Variants in DIXDC1 observed in about 807,000 individuals in gnomAD.
DIXDC1 encodes dixin.
In DIXDC1, 64 loss-of-function variants were observed where a neutral mutation model predicts 103.1. That is an observed-to-expected ratio of 0.62 (90% CI 0.51 to 0.76). The LOEUF is 0.76. DIXDC1 is among the 30% of genes least tolerant of loss of function. DIXDC1 has a pLI of 0.00. For synonymous variants in DIXDC1, 266 were observed against 298.5 expected (o/e 0.89, Z 1.12); for missense variants, 759 against 834.2 (o/e 0.91, Z 1.11).
At position 111,995,666 on chromosome 11, in the gene DIXDC1, C is replaced by T. The variant is rs958923670; in HGVS notation, c.1689+102C>T. On this transcript the variant is annotated intron_variant, in intron 16 of 19. Coordinates refer to ENST00000440460, the MANE Select transcript of DIXDC1 (RefSeq NM_001037954.4). The stretch of plus-strand genomic sequence containing the variant: ...AGGCAGTGTGAAGAGATACAAGACC[C>T]TGTTAAAGGTTAGAGTTGTTTTTCT... 3.9e-5 allele frequency: 56 copies of T among 1,438,302 alleles called. No individual in the cohort carries two copies. In the East Asian group the frequency reaches 1.3e-3, roughly 33 times the overall value. 89.1% of individuals were successfully genotyped at this position (1,438,302 alleles called of 1,614,324 possible).
At chr11:112,007,473 C>T (rs111956246) in intron 17 of DIXDC1, among the ~76,000 whole-genome samples, 2,146 of 144,890 alleles carry the variant, frequency 0.015, 54 homozygotes, top group African/African-American at 0.049. Flanking sequence ...AAAGATACTC[C>T]TCAAGAAGAG....
rs1267617102 is a variant in DIXDC1, at chr11:111,958,248, T to C, written c.61-6301T>C. ...CATGGCTGTGGACCAGGCATCCCTGTGCTCTTGGGGGCCAGGAGCAGGCAG... is the reference window on the plus strand; with the variant it reads ...CATGGCTGTGGACCAGGCATCCCTGCGCTCTTGGGGGCCAGGAGCAGGCAG... On this transcript the variant is annotated intron_variant, in intron 1 of 19. Coordinates refer to ENST00000440460, the MANE Select transcript of DIXDC1 (RefSeq NM_001037954.4). The surrounding 1 kb of genome is among the most constrained non-coding windows in gnomAD (Gnocchi z 4.2). Among the ~76,000 whole-genome samples, 1 of 152,022 alleles carries C rather than the reference T, an allele frequency of 6.6e-6. No homozygotes were observed. The highest frequency in any genetic ancestry group is 1.5e-5 in the Non-Finnish European group (1 of 67,958).
At chr11:111,929,882 A>G (rs1555167486) in exon 2 of DIXDC1, 12 of 1,535,946 alleles carry the variant, frequency 7.8e-6, no homozygotes, top group Non-Finnish European at 9.6e-6. Flanking sequence ...ATGAGATTCA[A>G]TAACTCCTTG....
intron 1 of DIXDC1, among the ~76,000 whole-genome samples, chr11:111,954,952 A>G (rs1446590681): frequency 1.3e-5 from 2 of 152,112 alleles, no homozygotes; most frequent in African/African-American, 4.8e-5. Flanking sequence ...TACATTCCAT[A>G]CATTCATATA....
At chr11:112,009,760 C>G (rs2137627957) in intron 17 of DIXDC1, among the ~76,000 whole-genome samples, 1 of 152,260 alleles carries the variant, frequency 6.6e-6, no homozygotes, top group Middle Eastern at 3.4e-3. Flanking sequence ...AATTCAACAG[C>G]CCTTCATGCT....
At chr11:111,955,265 G>C (rs587697107) in intron 1 of DIXDC1, among the ~76,000 whole-genome samples, 8 of 151,132 alleles carry the variant, frequency 5.3e-5, no homozygotes, top group Non-Finnish European at 7.4e-5. Context: ...GAGCCCAGGA[G>C]GTTGAGGCTG....
chr11:112,005,034 C>A (rs1861192046), intron 17 of DIXDC1, among the ~76,000 whole-genome samples: 1 of 152,140 alleles, frequency 6.6e-6, no homozygotes, highest in South Asian at 2.1e-4. Context: ...TCAACAGAAT[C>A]AAACTCATAT....
At chr11:111,997,855 G>A (rs1414103464) in intron 17 of DIXDC1, among the ~76,000 whole-genome samples, 2 of 152,134 alleles carry the variant, frequency 1.3e-5, no homozygotes, top group African/African-American at 4.8e-5. Context: ...TCACAAATAA[G>A]CTGAAATATC....
Position 111,964,669 on chromosome 11 carries a change from G to C in DIXDC1, c.181G>C (p.Glu61Gln). 1.2e-6 allele frequency: 2 copies of C among 1,605,896 alleles called. No homozygotes were observed. The highest frequency in any genetic ancestry group is 1.7e-6 in the Non-Finnish European group (2 of 1,176,458). ...RDGVILAYLI[E>Q]IVAGEKLSGV... is the part of the protein sequence containing the mutation. ...TGGGGTGATCCTGGCATATCTCATC[G>C]AGATTGTTGGTCAGTTGGCCCTGGA... is the stretch of plus-strand genomic sequence containing the variant. The change falls in exon 2 of 20, where the codon GAG becomes CAG. Residue 61 changes from glutamate (E) to glutamine (Q), a missense_variant. This residue lies in a region of DIXDC1 where 97 missense variants were observed against 85.4 expected (regional missense o/e 1.14). Coordinates refer to ENST00000440460, the MANE Select transcript of DIXDC1 (RefSeq NM_001037954.4).
chr11:112,013,707 G>T (rs1555177432), intron 17 of DIXDC1, among the ~76,000 whole-genome samples: 1 of 152,010 alleles, frequency 6.6e-6, no homozygotes, highest in East Asian at 1.9e-4. Context: ...CCCTTCTCTG[G>T]CTCCAGGGCT....
upstream of DIXDC1, chr11:111,937,216 C>A (rs1221405319): frequency 6.2e-6 from 7 of 1,123,454 alleles, no homozygotes; most frequent in African/African-American, 1.0e-4. Flanking sequence ...CGCAGGAAAG[C>A]GGGGCTGGGG....
In DIXDC1 at chr11:111,992,670, G is replaced by A. The variant is rs150635624; in HGVS notation, c.1218+151G>A. On this transcript the variant is annotated intron_variant, in intron 11 of 19. Transcript: ENST00000440460. ...CTGCAGTTATTTTTATTCCCCATTA[G>A]ACTCATCTCTGTTCCTAGGTGAAAG... Among the ~76,000 whole-genome samples, 464 of 152,304 alleles carry A rather than the reference G, an allele frequency of 3.0e-3. 4 individuals are homozygous for A. Among genetic ancestry groups the A allele is most frequent in the African/African-American group, 0.01 (419 of 41,558 alleles).
At chr11:111,994,491 A>G (rs936350696) in intron 14 of DIXDC1, among the ~76,000 whole-genome samples, 3 of 151,374 alleles carry the variant, frequency 2.0e-5, no homozygotes, top group Admixed American at 6.6e-5. Context: ...ATATACACAC[A>G]CATATATACA....
At position 111,974,989 on chromosome 11, in the gene DIXDC1, T is replaced by C. The variant is rs782248544; in HGVS notation, c.656+6T>C. The C allele has an allele frequency of 2.5e-6, 4 of 1,607,580 alleles. No homozygotes were observed. Among genetic ancestry groups the C allele is most frequent in the Non-Finnish European group, 3.4e-6 (4 of 1,177,468 alleles). Reference sequence around the variant, plus strand: ...TCTGAATCCAGCTGCTCCAGGTAACTGTGGCCTCTGAAACCTGAATTCTGG... The same window carrying C: ...TCTGAATCCAGCTGCTCCAGGTAACCGTGGCCTCTGAAACCTGAATTCTGG... On this transcript the variant is annotated splice_donor_region_variant and intron_variant, in intron 5 of 19. Transcript: ENST00000440460.
chr11:112,010,847 C>T (rs1367151017), intron 17 of DIXDC1, among the ~76,000 whole-genome samples: 1 of 152,154 alleles, frequency 6.6e-6, no homozygotes, highest in Non-Finnish European at 1.5e-5. Flanking sequence ...ACCATAAAAA[C>T]CCTAGAAGAA....
At chr11:111,947,199 C>T (rs1555169467) in intron 1 of DIXDC1, among the ~76,000 whole-genome samples, 1 of 151,978 alleles carries the variant, frequency 6.6e-6, no homozygotes, top group Non-Finnish European at 1.5e-5. Flanking sequence ...CTGACCCTGG[C>T]CTAATCAGAG....
chr11:112,007,390 A>C (rs918151012), intron 17 of DIXDC1, among the ~76,000 whole-genome samples: 2 of 152,220 alleles, frequency 1.3e-5, no homozygotes, highest in Non-Finnish European at 1.5e-5. Context: ...TGTTCAGGAT[A>C]TTATCCAGGA....
rs150949729 is a variant in DIXDC1, at chr11:111,995,436, C to T, written c.1561C>T (p.Arg521Cys). The change falls in exon 16 of 20, where the codon CGC becomes TGC. Residue 521 changes from arginine to cysteine, a missense_variant. Around this residue, in one of 3 missense-constraint regions of DIXDC1, gnomAD observed 657 missense variants for 727.5 expected, o/e 0.90. Transcript: ENST00000440460. The stretch of plus-strand genomic sequence containing the variant: ...CCTGCAGCTTGTTCGAGATGCTCTC[C>T]GCAGCCTGCGCAACAGCTTCAGTGG... ...SDLQLVRDAL[R>C]SLRNSFSGHD... 18 of 1,613,428 alleles carry T rather than the reference C, an allele frequency of 1.1e-5. No individual in the cohort carries two copies. Among genetic ancestry groups the T allele is most frequent in the Admixed American group, 3.3e-5 (2 of 60,016 alleles).
At chr11:112,012,657 G>A (rs1861460538) in intron 17 of DIXDC1, among the ~76,000 whole-genome samples, 2 of 152,148 alleles carry the variant, frequency 1.3e-5, no homozygotes, top group Non-Finnish European at 2.9e-5. Context: ...ACAAGGATAT[G>A]TTTCTGAGCC....
Sources: gnomAD v4.1 joint callset for allele counts (sites outside exome capture counted in the v4.1 genomes callset) on GRCh38, gnomAD v4.1.1 for gene constraint, gnomAD v4.1.1 regional missense constraint, Gnocchi (gnomAD v3.1) non-coding constraint, MANE v1.5 for transcripts, NCBI Gene and HGNC (gene_info 2026-07-23, HGNC 2026-07-21) for gene names.